Variants in LINGO2 observed in about 807,000 individuals in gnomAD.
LINGO2 encodes the protein leucine-rich repeat and immunoglobulin-like domain-containing nogo receptor-interacting protein 2.
A neutral mutation model predicts 30.6 loss-of-function variants in LINGO2; 14 were observed. The observed-to-expected ratio is 0.46, with a 90% confidence interval of 0.30 to 0.72. The LOEUF (loss-of-function observed/expected upper bound fraction) is 0.72. Ranked by LOEUF, LINGO2 falls within the 30% of genes least tolerant of loss-of-function variation. LINGO2 has a pLI of 0.07. For synonymous variants in LINGO2, 317 were observed against 288.5 expected, an observed-to-expected ratio of 1.10 and a Z score of -1.00; for missense variants, 729 against 751.7, an observed-to-expected ratio of 0.97 and a Z score of 0.35.
chr9:28,184,858 G>A (rs1378568134), intron 4 of LINGO2, among the ~76,000 whole-genome samples: 3 of 152,086 alleles, frequency 2.0e-5, no homozygotes, highest in Non-Finnish European at 4.4e-5. Flanking sequence ...TCTGACCCAG[G>A]AGCCAAATAT....
intron 1 of LINGO2, among the ~76,000 whole-genome samples, chr9:28,574,695 T>G (rs1823868566): frequency 6.6e-6 from 1 of 152,116 alleles, no homozygotes; most frequent in African/African-American, 2.4e-5. Context: ...ATTTTAAGAT[T>G]TTAGGAAATG....
At chr9:28,883,652 A>G in the LINGO2 span, among the ~76,000 whole-genome samples, 6,137 of 130,276 alleles carry the variant, frequency 0.047, 948 homozygotes, top group Admixed American at 0.093. Context: ...ATATATATAT[A>G]TATATATATA....
At chr9:28,376,816 T>A (rs1175892321) in intron 2 of LINGO2, among the ~76,000 whole-genome samples, 1 of 152,182 alleles carries the variant, frequency 6.6e-6, no homozygotes, top group Non-Finnish European at 1.5e-5. Context: ...CACAGATATG[T>A]CAGGCTCTGA....
intron 1 of LINGO2, among the ~76,000 whole-genome samples, chr9:28,544,761 A>C (rs981958068): frequency 6.7e-6 from 1 of 149,284 alleles, no homozygotes; most frequent in African/African-American, 2.4e-5. Context: ...ATTATGTTAT[A>C]TATTATATTA....
chr9:27,970,461 T>C (rs1820300754), intron 5 of LINGO2, among the ~76,000 whole-genome samples: 1 of 151,870 alleles, frequency 6.6e-6, no homozygotes, highest in East Asian at 1.9e-4. Context: ...TAAAATCAAG[T>C]AAGAGGTTTT....
the LINGO2 span, among the ~76,000 whole-genome samples, chr9:28,910,286 T>A: frequency 6.6e-6 from 1 of 151,910 alleles, no homozygotes; most frequent in African/African-American, 2.4e-5. Flanking sequence ...TATCAATGAC[T>A]GTCACATATA....
At chr9:28,592,371 G>A (rs1044394734) in intron 1 of LINGO2, among the ~76,000 whole-genome samples, 1 of 152,048 alleles carries the variant, frequency 6.6e-6, no homozygotes, top group Non-Finnish European at 1.5e-5. Context: ...TGCAAAATCT[G>A]GGAGTAGGGA....
intron 1 of LINGO2, among the ~76,000 whole-genome samples, chr9:28,561,163 A>G (rs958896707): frequency 4.6e-5 from 7 of 151,948 alleles, no homozygotes; most frequent in African/African-American, 7.2e-5. Context: ...TCCTACCACT[A>G]ATTTTCTCTT....
At chr9:28,958,486 G>T in the LINGO2 span, among the ~76,000 whole-genome samples, 1 of 152,000 alleles carries the variant, frequency 6.6e-6, no homozygotes, top group Non-Finnish European at 1.5e-5. Flanking sequence ...GAAAAAAGGG[G>T]TGCTGACACT....
the LINGO2 span, among the ~76,000 whole-genome samples, chr9:28,888,448 C>A: frequency 6.6e-6 from 1 of 152,032 alleles, no homozygotes; most frequent in Non-Finnish European, 1.5e-5. Flanking sequence ...AATTAGATAA[C>A]AATCTCAACA....
At chr9:28,853,872 G>A in the LINGO2 span, among the ~76,000 whole-genome samples, 1 of 151,776 alleles carries the variant, frequency 6.6e-6, no homozygotes, top group Non-Finnish European at 1.5e-5. Flanking sequence ...GATTTGGGAG[G>A]TGACACAGAG....
chr9:29,203,148 G>A, the LINGO2 span, among the ~76,000 whole-genome samples: 1 of 152,044 alleles, frequency 6.6e-6, no homozygotes, highest in Non-Finnish European at 1.5e-5. Context: ...TCATGAATAT[G>A]TTCTAGAATG....
At chr9:27,942,509 C>A in the LINGO2 span, 2 of 151,974 alleles carry the variant, frequency 1.3e-5, no homozygotes, top group East Asian at 1.9e-4. Flanking sequence ...TTAAAAAAAA[C>A]ATGCCCACAA....
At chr9:29,184,077 G>C in the LINGO2 span, among the ~76,000 whole-genome samples, 2 of 152,096 alleles carry the variant, frequency 1.3e-5, no homozygotes, top group Non-Finnish European at 2.9e-5. Context: ...TGAGTAACAA[G>C]GATAGAGAAA....
chr9:28,893,125 C>G, the LINGO2 span, among the ~76,000 whole-genome samples: 1 of 151,792 alleles, frequency 6.6e-6, no homozygotes, highest in Admixed American at 6.6e-5. Context: ...ATTCTCTACC[C>G]AATCCAACAG....
chr9:28,419,505 T>C (rs924647887), intron 2 of LINGO2, among the ~76,000 whole-genome samples: 2 of 151,998 alleles, frequency 1.3e-5, no homozygotes, highest in African/African-American at 4.8e-5. Flanking sequence ...CTGACTCCAT[T>C]AGTCCATCTT....
chr9:29,085,281 T>TAAAAAAAAAAAAAA, the LINGO2 span, among the ~76,000 whole-genome samples: 3 of 77,030 alleles, frequency 3.9e-5, no homozygotes, highest in Admixed American at 1.6e-4. Context: ...CTATGGTAAG[T>TAAAAAAAAAAAAAA]AAAAAAAAAA....
chr9:28,649,058 C>T (rs1410465447), intron 1 of LINGO2, among the ~76,000 whole-genome samples: 1 of 152,124 alleles, frequency 6.6e-6, no homozygotes. Context: ...TTCAACAGCA[C>T]AGCAACTCAG....
intron 4 of LINGO2, among the ~76,000 whole-genome samples, chr9:28,028,902 C>G (rs974553877): frequency 8.5e-5 from 13 of 152,054 alleles, no homozygotes; most frequent in Non-Finnish European, 1.9e-4. Flanking sequence ...CAAATTTTAC[C>G]TCTTCTGAGC....
Sources: gnomAD v4.1 joint callset for allele counts (sites outside exome capture counted in the v4.1 genomes callset) on GRCh38, gnomAD v4.1.1 for gene constraint, MANE v1.5 for transcripts, NCBI Gene and HGNC (gene_info 2026-07-23, HGNC 2026-07-21) for gene names.